The following CSMD3 variants were observed in gnomAD, a reference collection of about 807,000 sequenced individuals.
The protein encoded by CSMD3 is CUB and sushi domain-containing protein 3.
CSMD3 carries 177 observed loss-of-function variants against 435.2 expected under a neutral mutation model. That is an observed-to-expected ratio of 0.41 (90% CI 0.36 to 0.46). The LOEUF is 0.46. Ranked by LOEUF, CSMD3 falls within the 20% of genes least tolerant of loss-of-function variation. The probability of loss-of-function intolerance (pLI) is 0.34; values close to 1 mark genes in which losing one functional copy is unlikely to be tolerated. For missense variants in CSMD3, 4,265 were observed against 4,504.6 expected, an observed-to-expected ratio of 0.95 and a Z score of 1.52; for synonymous variants, 1,656 against 1,520.5, an observed-to-expected ratio of 1.09 and a Z score of -2.07.
At chr8:112,406,293 T>C (rs1221954546) in intron 35 of CSMD3, among the ~76,000 whole-genome samples, 2 of 152,124 alleles carry the variant, frequency 1.3e-5, no homozygotes, top group South Asian at 2.1e-4. Flanking sequence ...TATAAATCAG[T>C]AAATGAGGAA....
At chr8:113,222,803 G>A (rs12542594) in intron 3 of CSMD3, among the ~76,000 whole-genome samples, 45,550 of 150,644 alleles carry the variant, frequency 0.3, 7,987 homozygotes, top group East Asian at 0.7. Flanking sequence ...GATTCCCATG[G>A]CTTTATAGAC....
intron 11 of CSMD3, among the ~76,000 whole-genome samples, chr8:112,853,220 T>G (rs368632169): frequency 5.3e-5 from 8 of 152,134 alleles, no homozygotes; most frequent in African/African-American, 1.7e-4. Context: ...CACTTTCTTT[T>G]TTCTTTTTTT....
chr8:112,513,634 G>A (rs938894444), intron 28 of CSMD3, among the ~76,000 whole-genome samples: 18 of 152,034 alleles, frequency 1.2e-4, no homozygotes, highest in Non-Finnish European at 5.9e-5. Flanking sequence ...AGATGCCATT[G>A]GAAAAAAAGT....
At chr8:113,044,611 T>C (rs1053824689) in intron 5 of CSMD3, among the ~76,000 whole-genome samples, 5 of 149,218 alleles carry the variant, frequency 3.4e-5, no homozygotes, top group Non-Finnish European at 7.6e-5. Flanking sequence ...ATATGCCTTA[T>C]TGAATAACAA....
At chr8:113,420,114 C>T (rs2094602697) in intron 1 of CSMD3, among the ~76,000 whole-genome samples, 1 of 151,846 alleles carries the variant, frequency 6.6e-6, no homozygotes, top group South Asian at 2.1e-4. Flanking sequence ...AACAAATGGG[C>T]AATATTAAAA....
intron 13 of CSMD3, among the ~76,000 whole-genome samples, chr8:112,769,859 A>G (rs551032743): frequency 2.6e-5 from 4 of 151,970 alleles, no homozygotes; most frequent in Non-Finnish European, 4.4e-5. Flanking sequence ...ACACACATAC[A>G]TATTACTAAA....
intron 40 of CSMD3, among the ~76,000 whole-genome samples, chr8:112,350,589 G>A (rs530462177): frequency 6.6e-6 from 1 of 151,792 alleles, no homozygotes; most frequent in East Asian, 1.9e-4. Flanking sequence ...TTACAGCCCA[G>A]TATATTAATA....
intron 68 of CSMD3, 35 bp from the exon 69 acceptor site, chr8:112,231,667 A>G (rs376588062): frequency 8.6e-7 from 1 of 1,163,368 alleles, no homozygotes; most frequent in African/African-American, 1.5e-5. Context: ...ATACTTGAAT[A>G]CTGGCCATAG....
chr8:113,206,994 C>A (rs2092778127), intron 3 of CSMD3, among the ~76,000 whole-genome samples: 1 of 152,066 alleles, frequency 6.6e-6, no homozygotes, highest in Non-Finnish European at 1.5e-5. Flanking sequence ...TCTAGTTGGG[C>A]ACGGTAAAAA....
chr8:112,449,497 C>G (rs1408741505), intron 32 of CSMD3, among the ~76,000 whole-genome samples: 2 of 152,098 alleles, frequency 1.3e-5, no homozygotes, highest in Non-Finnish European at 2.9e-5. Flanking sequence ...AGTGCAGAGA[C>G]AGAGAATATG....
rs71309788 is a variant in CSMD3, at chr8:112,747,962, C to CAAAAAAAAAAAAAAAAAAAAAA, written c.1972+52178_1972+52199dup. On this transcript the variant is annotated intron_variant, in intron 13 of 70. Transcript: ENST00000297405. ...TGGGCGACAGAACAAGACTCCGTCT[C>CAAAAAAAAAAAAAAAAAAAAAA]AAAAAAAAAAAAAAAAAAAAAAAAC... Among the ~76,000 whole-genome samples, 25 of 96,754 alleles carry CAAAAAAAAAAAAAAAAAAAAAA rather than the reference C, an allele frequency of 2.6e-4. 1 individual carries two copies. Among genetic ancestry groups the CAAAAAAAAAAAAAAAAAAAAAA allele is most frequent in the African/African-American group, 5.8e-4 (15 of 25,988 alleles). The allele number at this position is 96,754 out of a possible 152,430, so 63.5% of individuals were successfully genotyped here. A position where few individuals can be genotyped will look rare whatever the true frequency, so the allele number is the denominator to read the frequency against.
At chr8:112,932,773 G>C (rs2083155426) in intron 9 of CSMD3, among the ~76,000 whole-genome samples, 1 of 152,158 alleles carries the variant, frequency 6.6e-6, no homozygotes, top group Non-Finnish European at 1.5e-5. Flanking sequence ...TGATAGCACA[G>C]TAGGGTGACT....
intron 4 of CSMD3, among the ~76,000 whole-genome samples, chr8:113,145,278 A>G (rs2091647005): frequency 1.3e-5 from 2 of 151,562 alleles, no homozygotes; most frequent in African/African-American, 4.8e-5. Flanking sequence ...ACAGTGTTTG[A>G]GATGTAGTGG....
At chr8:113,023,771 TA>T (rs1048991772) in intron 5 of CSMD3, among the ~76,000 whole-genome samples, 10 of 152,124 alleles carry the variant, frequency 6.6e-5, no homozygotes, top group Non-Finnish European at 1.3e-4. Flanking sequence ...GTTCTCATCA[TA>T]TCTTAATTTT....
At chr8:112,488,621 C>A (rs969453399) in intron 31 of CSMD3, among the ~76,000 whole-genome samples, 1 of 152,088 alleles carries the variant, frequency 6.6e-6, no homozygotes, top group Non-Finnish European at 1.5e-5. Context: ...GGGATGGGAC[C>A]TCGGCTGAAA....
At chr8:112,246,926 C>T in intron 64 of CSMD3, 94 bp downstream of exon 64, 1 of 842,772 alleles carries the variant, frequency 1.2e-6, no homozygotes, top group Non-Finnish European at 2.0e-6. Flanking sequence ...CAATTTGATA[C>T]ACATATAGAT....
At chr8:113,401,027 A>G (rs1237645157) in intron 1 of CSMD3, among the ~76,000 whole-genome samples, 1 of 151,838 alleles carries the variant, frequency 6.6e-6, no homozygotes. Context: ...ATTGTAAAAC[A>G]GTAGAAATAT....
chr8:113,088,717 G>C (rs1183190575), intron 5 of CSMD3, among the ~76,000 whole-genome samples: 1 of 114,280 alleles, frequency 8.8e-6, no homozygotes, highest in Non-Finnish European at 1.8e-5. Context: ...CTGTGGGGTG[G>C]GGGGAGGGGG....
At chr8:112,574,613 C>A (rs1322827577) in intron 23 of CSMD3, among the ~76,000 whole-genome samples, 1 of 151,916 alleles carries the variant, frequency 6.6e-6, no homozygotes, top group East Asian at 1.9e-4. Flanking sequence ...CATTCCTTTT[C>A]CTGTAAGGCA....
Sources: gnomAD v4.1 joint callset for allele counts (sites outside exome capture counted in the v4.1 genomes callset) on GRCh38, gnomAD v4.1.1 for gene constraint, MANE v1.5 for transcripts, NCBI Gene and HGNC (gene_info 2026-07-23, HGNC 2026-07-21) for gene names.